LARP4B: variants seen among roughly 807,000 people sequenced by gnomAD.
LARP4B encodes the protein la-related protein 4B.
Under a neutral mutation model 89.8 loss-of-function variants are expected in LARP4B, and 12 were observed. The observed-to-expected ratio is 0.13, with a 90% CI of 0.09 to 0.22. The LOEUF is 0.22. Ranked by LOEUF, LARP4B falls within the 10% of genes least tolerant of loss-of-function variation. LARP4B has a pLI of 1.00. For synonymous variants in LARP4B, 367 were observed against 363.3 expected (o/e 1.01, Z -0.12); for missense variants, 757 against 947.7 (o/e 0.80, Z 2.64).
chr10:864,385 A>T, intron 3 of LARP4B, 115 bp from the exon 4 acceptor site: 1 of 836,754 alleles, frequency 1.2e-6, no homozygotes, highest in Non-Finnish European at 1.9e-6. Flanking sequence ...CAGCCTATGT[A>T]TTTATACACA....
intron 7 of LARP4B, among the ~76,000 whole-genome samples, chr10:842,717 T>C (rs1833583200): frequency 6.6e-6 from 1 of 152,202 alleles, no homozygotes; most frequent in South Asian, 2.1e-4. Context: ...AAAACTTGTT[T>C]GAGGTTTCAT....
At chr10:824,985 C>T in intron 13 of LARP4B, 80 bp downstream of exon 13, 2 of 1,348,162 alleles carry the variant, frequency 1.5e-6, no homozygotes, top group Non-Finnish European at 2.0e-6. Flanking sequence ...TATTTAAAGA[C>T]AATTACAAAA....
At chr10:900,077 G>C (rs1411054145) in intron 1 of LARP4B, among the ~76,000 whole-genome samples, 1 of 152,050 alleles carries the variant, frequency 6.6e-6, no homozygotes, top group Non-Finnish European at 1.5e-5. Flanking sequence ...CAGGCACAGT[G>C]GCTCACGCCT....
the LARP4B span, among the ~76,000 whole-genome samples, chr10:984,510 T>C: frequency 6.6e-6 from 1 of 152,184 alleles, no homozygotes; most frequent in Admixed American, 6.5e-5. Context: ...ACACCCCTTA[T>C]CAGCAGCTCT....
intron 3 of LARP4B, chr10:869,864 G>C (rs35567307): frequency 0.16 from 28,926 of 175,578 alleles, 2,644 homozygotes; most frequent in Non-Finnish European, 0.19. Context: ...TCACGCCACT[G>C]CAACTTGGGT....
chr10:848,554 C>A, intron 5 of LARP4B, among the ~76,000 whole-genome samples: 1 of 146,278 alleles, frequency 6.8e-6, no homozygotes, highest in African/African-American at 2.5e-5. Flanking sequence ...CAGGTAAGGA[C>A]ATAAAAGTTA....
intron 1 of LARP4B, among the ~76,000 whole-genome samples, chr10:896,503 T>C (rs1474548779): frequency 6.6e-6 from 1 of 152,160 alleles, no homozygotes; most frequent in Admixed American, 6.6e-5. Flanking sequence ...TTAAAGAGAT[T>C]TACAAAACAT....
upstream of LARP4B, among the ~76,000 whole-genome samples, chr10:935,722 C>CTTTTT (rs10711022): frequency 4.1e-3 from 342 of 83,682 alleles, no homozygotes; most frequent in African/African-American, 4.9e-3. Context: ...CTTTTCTTTT[C>CTTTTT]TTTTTTTTTT....
At chr10:852,601 T>C (rs573442286) in intron 5 of LARP4B, among the ~76,000 whole-genome samples, 1 of 152,288 alleles carries the variant, frequency 6.6e-6, no homozygotes, top group East Asian at 1.9e-4. Flanking sequence ...CCACTTCTGT[T>C]CACCTTTGTA....
chr10:820,742 G>T, intron 14 of LARP4B, 58 bp downstream of exon 14: 1 of 1,411,878 alleles, frequency 7.1e-7, no homozygotes, highest in Non-Finnish European at 9.9e-7. Context: ...TAAATCTCAG[G>T]TTTGGTATAA....
At chr10:827,635 T>G (rs547088829) in intron 11 of LARP4B, among the ~76,000 whole-genome samples, 3 of 152,020 alleles carry the variant, frequency 2.0e-5, no homozygotes, top group Non-Finnish European at 4.4e-5. Context: ...AACCTGAACA[T>G]ACAACATAAG....
At chr10:841,399 T>C (rs1487823502) in intron 7 of LARP4B, among the ~76,000 whole-genome samples, 1 of 152,040 alleles carries the variant, frequency 6.6e-6, no homozygotes, top group Non-Finnish European at 1.5e-5. Context: ...AAAAGTTAAG[T>C]CATAAAAAAG....
At chr10:880,408 C>T (rs547874403) in intron 3 of LARP4B, among the ~76,000 whole-genome samples, 41 of 151,960 alleles carry the variant, frequency 2.7e-4, no homozygotes, top group African/African-American at 7.5e-4. Flanking sequence ...AATTCTGGGC[C>T]GGGTGCAGTG....
intron 1 of LARP4B, among the ~76,000 whole-genome samples, chr10:929,488 C>G (rs1430205445): frequency 2.0e-5 from 3 of 151,958 alleles, no homozygotes; most frequent in Admixed American, 6.6e-5. Flanking sequence ...CCCAGCTACT[C>G]GGGGGGCTGA....
At chr10:929,101 T>A (rs1837229491) in intron 1 of LARP4B, among the ~76,000 whole-genome samples, 1 of 152,190 alleles carries the variant, frequency 6.6e-6, no homozygotes, top group East Asian at 1.9e-4. Flanking sequence ...TACAGAATAG[T>A]ACCCATGTTA....
At chr10:873,158 C>G in intron 3 of LARP4B, 1 of 985,210 alleles carries the variant, frequency 1.0e-6, no homozygotes, top group Non-Finnish European at 1.2e-6. Flanking sequence ...TGAGAGCTCA[C>G]AAGCACACGA....
At chr10:840,525 GTAACAGC>G (rs1186033361) in intron 7 of LARP4B, among the ~76,000 whole-genome samples, 1 of 152,158 alleles carries the variant, frequency 6.6e-6, no homozygotes, top group Non-Finnish European at 1.5e-5. Flanking sequence ...CTAGCTCACT[GTAACAGC>G]TCTGGTACTC....
chr10:841,576 C>T (rs762093519), intron 7 of LARP4B, among the ~76,000 whole-genome samples: 2 of 152,218 alleles, frequency 1.3e-5, no homozygotes, highest in African/African-American at 4.8e-5. Context: ...GGGGCAGCAG[C>T]GTTTGCAAGG....
chr10:894,456 C>A (rs1356715017), intron 1 of LARP4B, among the ~76,000 whole-genome samples: 1 of 152,112 alleles, frequency 6.6e-6, no homozygotes, highest in South Asian at 2.1e-4. Flanking sequence ...AAAGCCTTAA[C>A]CAAAATAATC....
Sources: gnomAD v4.1 joint callset for allele counts (sites outside exome capture counted in the v4.1 genomes callset) on GRCh38, gnomAD v4.1.1 for gene constraint, MANE v1.5 for transcripts, NCBI Gene and HGNC (gene_info 2026-07-23, HGNC 2026-07-21) for gene names.